The following GRM8 variants were observed in gnomAD, a reference collection of about 807,000 sequenced individuals.
The protein encoded by GRM8 is glutamate metabotropic receptor 8, also known as metabotropic glutamate receptor 8.
Under a neutral mutation model 87.2 loss-of-function variants are expected in GRM8, and 47 were observed. The ratio of observed to expected loss-of-function variants is 0.54; its 90% CI spans 0.43 to 0.69. The LOEUF (loss-of-function observed/expected upper bound fraction) is 0.69. Ranked by LOEUF, GRM8 falls within the 30% of genes least tolerant of loss-of-function variation. The pLI is 0.00. For synonymous variants in GRM8, 396 were observed against 404.5 expected (o/e 0.98, Z 0.25); for missense variants, 1,019 against 1,139.2 (o/e 0.89, Z 1.52).
chr7:126,631,799 T>C (rs1317146078), intron 7 of GRM8, among the ~76,000 whole-genome samples: 1 of 152,166 alleles, frequency 6.6e-6, no homozygotes, highest in Non-Finnish European at 1.5e-5. Flanking sequence ...CCCGATTTAA[T>C]AAATGGTGCT....
chr7:126,619,293 A>G lies in GRM8; in HGVS notation c.1358-9795T>C, dbSNP rs137992485. On this transcript the variant is annotated intron_variant, in intron 7 of 10. Coordinates refer to ENST00000339582, the MANE Select transcript of GRM8 (RefSeq NM_000845.3). ...CCAAGAACAAAAAACCAAACACCGC[A>G]TGTTCTCACTCACAGGTGGGAATTG... Among the ~76,000 whole-genome samples, 780 of 152,236 alleles carry G rather than the reference A, an allele frequency of 5.1e-3. 7 individuals carry two copies. The highest frequency in any genetic ancestry group is 0.018 in the African/African-American group (744 of 41,560).
At chr7:126,628,688 GTTA>G in intron 7 of GRM8, among the ~76,000 whole-genome samples, 1 of 152,286 alleles carries the variant, frequency 6.6e-6, no homozygotes, top group South Asian at 2.1e-4. Context: ...AAGGAGTGTT[GTTA>G]GTTATTCAGG....
intron 3 of GRM8, among the ~76,000 whole-genome samples, chr7:127,050,892 T>A (rs3808124): frequency 0.017 from 2,622 of 152,280 alleles, 53 homozygotes; most frequent in East Asian, 0.097. Context: ...GTTTGCACAC[T>A]CAAAAAGGAA....
intron 2 of GRM8, among the ~76,000 whole-genome samples, chr7:127,193,189 T>C (rs1795110083): frequency 6.6e-6 from 1 of 152,210 alleles, no homozygotes; most frequent in Admixed American, 6.5e-5. Context: ...ATAACACAAA[T>C]TTGTTTTTAT....
At position 127,242,347 on chromosome 7, in the gene GRM8, C is replaced by T. The variant is rs184053040; in HGVS notation, c.510+348G>A. Among the ~76,000 whole-genome samples, 366 of 152,170 alleles carry T rather than the reference C, an allele frequency of 2.4e-3. 1 individual carries two copies. Among genetic ancestry groups the T allele is most frequent in the Non-Finnish European group, 3.9e-3 (267 of 68,008 alleles). ...ATAGAAATGTTTTCCATGATAAATG[C>T]GCTGAGTTCATTATTCTCTTCAAAA... On this transcript the variant is annotated intron_variant, in intron 2 of 10. Coordinates refer to ENST00000339582, the MANE Select transcript of GRM8 (RefSeq NM_000845.3).
chr7:126,900,489 G>GT (rs1801962575), intron 6 of GRM8, among the ~76,000 whole-genome samples: 1 of 57,678 alleles, frequency 1.7e-5, no homozygotes, highest in Admixed American at 1.4e-4. Context: ...TCCCTAGCTA[G>GT]CTTTTTTGTT....
chr7:126,780,900 C>T (rs1820000733), intron 6 of GRM8, among the ~76,000 whole-genome samples: 1 of 152,040 alleles, frequency 6.6e-6, no homozygotes, highest in African/African-American at 2.4e-5. Context: ...ATGGAGTAGG[C>T]AGATTGGGAG....
chr7:127,060,405 A>G (rs74355969), intron 3 of GRM8, among the ~76,000 whole-genome samples: 1 of 152,174 alleles, frequency 6.6e-6, no homozygotes, highest in Non-Finnish European at 1.5e-5. Flanking sequence ...ACATGCAATA[A>G]GTAATAATTT....
At position 126,556,122 on chromosome 7, in the gene GRM8, C is replaced by T. The variant is rs373569969; in HGVS notation, c.1495-22235G>A. 3.9e-5 allele frequency among the ~76,000 whole-genome samples: 6 copies of T among 152,098 alleles called. No individual in the cohort carries two copies. In the South Asian group the frequency reaches 1.2e-3, roughly 32 times the overall value. ...AGAATTATCCCCTTGTTTAAAGTTA[C>T]TTGAATGAGAGACAAAATACTTCGT... On this transcript the variant is annotated intron_variant, in intron 8 of 10. Transcript: ENST00000339582.
intron 2 of GRM8, among the ~76,000 whole-genome samples, chr7:127,172,607 C>G (rs1042763020): frequency 1.3e-5 from 2 of 151,652 alleles, no homozygotes. Context: ...ACTCAGGAGG[C>G]TGAGGCAGGA....
intron 3 of GRM8, among the ~76,000 whole-genome samples, chr7:126,911,686 G>A (rs914918806): frequency 6.6e-6 from 1 of 152,188 alleles, no homozygotes; most frequent in African/African-American, 2.4e-5. Context: ...GAGAAATCCA[G>A]GCAGAGAAAT....
intron 6 of GRM8, among the ~76,000 whole-genome samples, chr7:126,857,061 T>C (rs1229571043): frequency 2.6e-5 from 4 of 152,196 alleles, no homozygotes; most frequent in African/African-American, 9.6e-5. Flanking sequence ...AACATTCTTT[T>C]CCATGAATAG....
intron 3 of GRM8, among the ~76,000 whole-genome samples, chr7:126,943,705 T>C (rs1038392423): frequency 6.6e-6 from 1 of 152,148 alleles, no homozygotes; most frequent in East Asian, 1.9e-4. Context: ...ATGTGCAAGG[T>C]GGTGAGGCAG....
At chr7:126,799,100 T>C (rs1400962831) in intron 6 of GRM8, among the ~76,000 whole-genome samples, 1 of 151,996 alleles carries the variant, frequency 6.6e-6, no homozygotes, top group Non-Finnish European at 1.5e-5. Flanking sequence ...GTGTAGACAC[T>C]CTCATCTCTT....
chr7:126,542,747 C>A (rs1816689610), intron 8 of GRM8, among the ~76,000 whole-genome samples: 1 of 151,960 alleles, frequency 6.6e-6, no homozygotes, highest in African/African-American at 2.4e-5. Context: ...GACTTTTAGG[C>A]AAATATATGA....
chr7:126,914,904 C>G (rs1434492169), intron 3 of GRM8, among the ~76,000 whole-genome samples: 2 of 152,078 alleles, frequency 1.3e-5, no homozygotes, highest in African/African-American at 2.4e-5. Flanking sequence ...CTCATGTACC[C>G]CCCCAATCTA....
chr7:126,550,358 C>T (rs773703789), intron 8 of GRM8, among the ~76,000 whole-genome samples: 1 of 151,986 alleles, frequency 6.6e-6, no homozygotes, highest in Non-Finnish European at 1.5e-5. Flanking sequence ...ATGATCCACC[C>T]GCCTCAGCCT....
At chr7:127,036,304 T>C (rs535721661) in intron 3 of GRM8, among the ~76,000 whole-genome samples, 1 of 152,218 alleles carries the variant, frequency 6.6e-6, no homozygotes, top group African/African-American at 2.4e-5. Context: ...GTGGGGTATC[T>C]TTCTGTTCAG....
At position 126,891,446 on chromosome 7, in the gene GRM8, A is replaced by G. The variant is rs181403642; in HGVS notation, c.1156+11096T>C. On this transcript the variant is annotated intron_variant, in intron 6 of 10. Transcript: ENST00000339582. ...GCTTAAAACCTTCTGGTGCCCATTC[A>G]TTGACTTTCAAAACATTTTTCAACT... is the stretch of plus-strand genomic sequence containing the variant. Among the ~76,000 whole-genome samples the G allele has an allele frequency of 9.2e-5, 14 of 151,560 alleles. No homozygotes were observed. The East Asian group carries it at 2.3e-3, about 25-fold the overall frequency.
Sources: allele counts gnomAD v4.1 joint callset (sites outside exome capture counted in the v4.1 genomes callset), GRCh38; gene constraint gnomAD v4.1.1; transcripts MANE v1.5; gene names NCBI Gene and HGNC (gene_info 2026-07-23, HGNC 2026-07-21).